The following DDX31 variants were observed in gnomAD, a reference collection of about 807,000 sequenced individuals.
DDX31 encodes the protein DEAD-box helicase 31.
Under a neutral mutation model 91.3 loss-of-function variants are expected in DDX31, and 70 were observed. That is an observed-to-expected ratio of 0.77 (90% CI 0.63 to 0.94). The LOEUF (loss-of-function observed/expected upper bound fraction) is 0.94, where lower values mean the gene tolerates loss of function less well. DDX31 is among the 40% of genes least tolerant of loss of function. The pLI is 0.00. For synonymous variants in DDX31, 362 were observed against 350.6 expected (o/e 1.03, Z -0.36); for missense variants, 902 against 925.0 (o/e 0.98, Z 0.32).
chr9:132,662,757 G>A (rs1307642533), intron 1 of DDX31, 62 bp from the exon 2 acceptor site: 11 of 1,602,106 alleles, frequency 6.9e-6, no homozygotes, highest in East Asian at 2.2e-5. Flanking sequence ...AACAGAGCTC[G>A]GAGTGAAGCC....
At position 132,637,784 on chromosome 9, in the gene DDX31, T is replaced by C. The variant is rs561678708; in HGVS notation, c.1440+4220A>G. The C allele has an allele frequency of 5.1e-6, 5 of 980,976 alleles. No individual in the cohort carries two copies. The African/African-American group carries it at 8.7e-5, about 17-fold the overall frequency. 60.8% of individuals were successfully genotyped at this position (980,976 alleles called of 1,614,324 possible). ...GCGTAACTGAGTAAACAGCAAACAA[T>C]CTCCAAATGATCTTTCCATTAACGA... On this transcript the variant is annotated intron_variant, in intron 14 of 19. Coordinates refer to ENST00000372159, the MANE Select transcript of DDX31 (RefSeq NM_022779.9).
intron 18 of DDX31, among the ~76,000 whole-genome samples, chr9:132,615,968 A>G (rs570462359): frequency 1.3e-3 from 194 of 152,260 alleles, no homozygotes; most frequent in Non-Finnish European, 2.2e-3. Context: ...TGGGTTCTGA[A>G]ATGGCATAAA....
intron 17 of DDX31, among the ~76,000 whole-genome samples, 167 bp downstream of exon 17, chr9:132,625,497 C>G (rs1194652782): frequency 6.7e-6 from 1 of 148,334 alleles, no homozygotes; most frequent in Non-Finnish European, 1.5e-5. Flanking sequence ...GAAGCAAAGA[C>G]GAGGAAAAAA....
intron 6 of DDX31, among the ~76,000 whole-genome samples, chr9:132,652,763 G>A (rs1316513626): frequency 6.6e-6 from 1 of 152,140 alleles, no homozygotes. Flanking sequence ...GGTTATTCTC[G>A]TGATAATGAA....
At chr9:132,637,909 ACT>A in intron 14 of DDX31, 1 of 993,022 alleles carries the variant, frequency 1.0e-6, no homozygotes, top group Non-Finnish European at 1.2e-6. Context: ...TGACATTGTG[ACT>A]CTTCACAGCC....
At chr9:132,607,226 C>T (rs995908881) in intron 19 of DDX31, among the ~76,000 whole-genome samples, 4 of 152,198 alleles carry the variant, frequency 2.6e-5, no homozygotes, top group Non-Finnish European at 4.4e-5. Flanking sequence ...GCCTGCTGAG[C>T]ACTGACTTAG....
intron 19 of DDX31, among the ~76,000 whole-genome samples, chr9:132,596,411 GGA>G (rs1830437081): frequency 2.0e-5 from 3 of 152,164 alleles, no homozygotes; most frequent in Non-Finnish European, 4.4e-5. Context: ...AACCTCTGCA[GGA>G]AAAGAAGATC....
intron 19 of DDX31, among the ~76,000 whole-genome samples, chr9:132,602,051 C>G (rs868559061): frequency 1.3e-5 from 2 of 152,238 alleles, no homozygotes; most frequent in African/African-American, 4.8e-5. Context: ...CTGGTCTGAT[C>G]AATAACATCA....
intron 1 of DDX31, among the ~76,000 whole-genome samples, chr9:132,664,487 T>C (rs994683773): frequency 2.0e-5 from 3 of 152,096 alleles, no homozygotes; most frequent in Admixed American, 6.5e-5. Flanking sequence ...GGTGAGCTGA[T>C]TGCTTGAGGC....
chr9:132,612,462 G>T, intron 18 of DDX31: 1 of 581,910 alleles, frequency 1.7e-6, no homozygotes, highest in Non-Finnish European at 3.0e-6. Context: ...AACTACAGGG[G>T]GCCACAATTA....
rs980413643 is a variant in DDX31 at position 132,595,847 on chromosome 9, T to C, written c.1995-735A>G. The stretch of plus-strand genomic sequence containing the variant: ...CCAAAGGTTGAAAATCAATTTCCGA[T>C]GTCGAATCCTGATAACTGTTCTGAA... On this transcript the variant is annotated intron_variant, in intron 19 of 19. Transcript: ENST00000372159. The surrounding 1 kb of genome is among the most constrained non-coding windows in gnomAD (Gnocchi z 4.6). Among the ~76,000 whole-genome samples the C allele has an allele frequency of 6.6e-6, 1 of 152,186 alleles. No homozygotes were observed. The highest frequency in any genetic ancestry group is 1.5e-5 in the Non-Finnish European group (1 of 68,030).
intron 1 of DDX31, among the ~76,000 whole-genome samples, chr9:132,667,971 G>A (rs1045344480): frequency 8.5e-5 from 13 of 152,162 alleles, no homozygotes; most frequent in Admixed American, 7.2e-4. Flanking sequence ...GGAAAAGTGA[G>A]AATCAGAAAG....
chr9:132,637,762 T>TA, intron 14 of DDX31: 3 of 963,372 alleles, frequency 3.1e-6, no homozygotes, highest in Non-Finnish European at 3.7e-6. Context: ...TGAGTTAGCG[T>TA]AACTGAGTAA....
intron 6 of DDX31, chr9:132,658,256 C>T: frequency 4.3e-6 from 3 of 702,672 alleles, no homozygotes; most frequent in Non-Finnish European, 5.2e-6. Context: ...CCAAACAGAA[C>T]TGAGGTAGAA....
At chr9:132,597,159 T>G (rs893678938) in intron 19 of DDX31, among the ~76,000 whole-genome samples, 1 of 152,178 alleles carries the variant, frequency 6.6e-6, no homozygotes, top group African/African-American at 2.4e-5. Flanking sequence ...ACAGCTGGGC[T>G]GGGGCTCTTC....
At chr9:132,599,903 C>G (rs192093867) in intron 19 of DDX31, among the ~76,000 whole-genome samples, 3 of 152,248 alleles carry the variant, frequency 2.0e-5, no homozygotes, top group African/African-American at 7.2e-5. Context: ...CGCAGGAGAC[C>G]GTGAGGACTT....
chr9:132,605,860 A>T (rs934932731), intron 19 of DDX31, among the ~76,000 whole-genome samples: 1 of 152,074 alleles, frequency 6.6e-6, no homozygotes, highest in Non-Finnish European at 1.5e-5. Context: ...ACGGGATGCC[A>T]CTGAAAGGCG....
intron 19 of DDX31, among the ~76,000 whole-genome samples, chr9:132,601,197 C>T (rs528930422): frequency 5.9e-5 from 9 of 152,320 alleles, no homozygotes; most frequent in East Asian, 1.9e-4. Flanking sequence ...ACCACATCTG[C>T]AGGAACAGCT....
At chr9:132,664,436 C>T (rs1835179326) in intron 1 of DDX31, among the ~76,000 whole-genome samples, 1 of 152,076 alleles carries the variant, frequency 6.6e-6, no homozygotes, top group Non-Finnish European at 1.5e-5. Context: ...TTGCCAGGTG[C>T]CATGGATCAT....
Sources: gnomAD v4.1 joint callset for allele counts (sites outside exome capture counted in the v4.1 genomes callset) on GRCh38, gnomAD v4.1.1 for gene constraint, Gnocchi (gnomAD v3.1) non-coding constraint, MANE v1.5 for transcripts, NCBI Gene and HGNC (gene_info 2026-07-23, HGNC 2026-07-21) for gene names.